NAP1L1: variants seen among roughly 807,000 people sequenced by gnomAD.
The protein encoded by NAP1L1 is nucleosome assembly protein 1-like 1.
Under a neutral mutation model 58.9 loss-of-function variants are expected in NAP1L1, and 9 were observed. That is an observed-to-expected ratio of 0.15 (90% CI 0.09 to 0.27). The LOEUF is 0.27. NAP1L1 is among the 10% of genes least tolerant of loss of function. NAP1L1 has a pLI of 1.00. For missense variants in NAP1L1, 302 were observed against 458.8 expected, an observed-to-expected ratio of 0.66 and a Z score of 3.12; for synonymous variants, 130 against 138.3, an observed-to-expected ratio of 0.94 and a Z score of 0.42.
rs1200902170 is a variant in NAP1L1, at chr12:76,036,883, G to C, written c.*11546C>G. On this transcript the variant is annotated 3_prime_UTR_variant, in exon 15 of 15. Coordinates refer to ENST00000618691, the MANE Select transcript of NAP1L1 (RefSeq NM_004537.7). ...AGGTCAGGAGCTCGACACAAGTCTGGCCAACATGGTGAAACCCCGTCTCTA... is the reference window on the plus strand; with the variant it reads ...AGGTCAGGAGCTCGACACAAGTCTGCCCAACATGGTGAAACCCCGTCTCTA... 1 of 150,120 alleles carries C rather than the reference G, an allele frequency of 6.7e-6. No homozygotes were observed. The highest frequency in any genetic ancestry group is 1.5e-5 in the Non-Finnish European group (1 of 67,708). The allele number at this position is 150,120 out of a possible 1,614,324, so 9.3% of individuals were successfully genotyped here.
At chr12:76,058,870 A>G (rs1043152544) in intron 6 of NAP1L1, among the ~76,000 whole-genome samples, 2 of 152,192 alleles carry the variant, frequency 1.3e-5, no homozygotes, top group Non-Finnish European at 1.5e-5. Context: ...AGAATCTAAT[A>G]TATCTGTGGT....
chr12:76,044,955 T>C lies in NAP1L1; in HGVS notation c.*3474A>G, dbSNP rs1013954929. 1.3e-5 allele frequency: 2 copies of C among 152,182 alleles called. No individual in the cohort carries two copies. Among genetic ancestry groups the C allele is most frequent in the Non-Finnish European group, 2.9e-5 (2 of 68,012 alleles). The allele number at this position is 152,182 out of a possible 1,614,324, so 9.4% of individuals were successfully genotyped here. A position where few individuals can be genotyped will look rare whatever the true frequency, so the allele number is the denominator to read the frequency against. ...TAATCCAGCATACAAAAATCACCAG[T>C]ATACATCTATTAAGTTAACTGCAGT... On this transcript the variant is annotated 3_prime_UTR_variant, in exon 15 of 15. Transcript: ENST00000618691.
chr12:76,060,293 A>G lies in NAP1L1; in HGVS notation c.207-14T>C, dbSNP rs1266653685. 19 of 1,612,952 alleles carry G rather than the reference A, an allele frequency of 1.2e-5. No individual in the cohort carries two copies. Among genetic ancestry groups the G allele is most frequent in the Non-Finnish European group, 1.6e-5 (19 of 1,179,452 alleles). On this transcript the variant is annotated splice_polypyrimidine_tract_variant and intron_variant, in intron 4 of 14. Transcript: ENST00000618691. ...ACCCTAGGCAGGCTGAAAGGTTAGAAATCAGTTATATAGCATCAGAGTAAA... is the reference window on the plus strand; with the variant it reads ...ACCCTAGGCAGGCTGAAAGGTTAGAGATCAGTTATATAGCATCAGAGTAAA...
At chr12:76,060,344 A>G (rs1949350508) in intron 4 of NAP1L1, 65 bp from the exon 5 acceptor site, 1 of 1,507,340 alleles carries the variant, frequency 6.6e-7, no homozygotes, top group Non-Finnish European at 9.1e-7. Flanking sequence ...CTTTTGTCAT[A>G]CTGAAACTGA....
chr12:76,077,875 T>C (rs1460557669), intron 1 of NAP1L1, among the ~76,000 whole-genome samples: 7 of 147,628 alleles, frequency 4.7e-5, no homozygotes, highest in Non-Finnish European at 3.0e-5. Flanking sequence ...TCCCAGCTAC[T>C]CAGGAGGCTG....
Position 76,081,536 on chromosome 12 carries a change from C to G in NAP1L1, c.-21+3031G>C, listed in dbSNP as rs532193824. On this transcript the variant is annotated intron_variant, in intron 1 of 14. Coordinates refer to ENST00000618691, the MANE Select transcript of NAP1L1 (RefSeq NM_004537.7). ...TCGCTTGAGGTGAGGCATTTAAGAC[C>G]AGCCAGGGCAACACAGCAAGAGCCT... 3.3e-5 allele frequency among the ~76,000 whole-genome samples: 5 copies of G among 152,232 alleles called. No homozygotes were observed. The East Asian group carries it at 9.6e-4, about 29-fold the overall frequency.
At chr12:76,066,726 C>G (rs1214496267) in intron 4 of NAP1L1, among the ~76,000 whole-genome samples, 8 of 152,028 alleles carry the variant, frequency 5.3e-5, no homozygotes, top group African/African-American at 1.9e-4. Context: ...TTCTGGAAAT[C>G]ATGCTAGAAG....
chr12:76,061,376 C>T (rs930919015), intron 4 of NAP1L1, among the ~76,000 whole-genome samples: 1 of 152,116 alleles, frequency 6.6e-6, no homozygotes, highest in Non-Finnish European at 1.5e-5. Flanking sequence ...TAAGAATGTA[C>T]GATATTTGGT....
At position 76,044,648 on chromosome 12, in the gene NAP1L1, A is replaced by C. The variant is rs969242001; in HGVS notation, c.*3781T>G. The stretch of plus-strand genomic sequence containing the variant: ...CTGAAGTCTTAAGTCAAACCATTAT[A>C]AGTCAGGGACTGTCTGTACTAAGAT... On this transcript the variant is annotated 3_prime_UTR_variant, in exon 15 of 15. Coordinates refer to ENST00000618691, the MANE Select transcript of NAP1L1 (RefSeq NM_004537.7). 6.6e-6 allele frequency: 1 copy of C among 152,306 alleles called. No homozygotes were observed. Among genetic ancestry groups the C allele is most frequent in the Middle Eastern group, 3.4e-3 (1 of 294 alleles). The allele number at this position is 152,306 out of a possible 1,614,324, so 9.4% of individuals were successfully genotyped here.
intron 1 of NAP1L1, among the ~76,000 whole-genome samples, chr12:76,084,332 A>G: frequency 6.6e-6 from 1 of 151,780 alleles, no homozygotes; most frequent in East Asian, 2.0e-4. Flanking sequence ...GCCAACCCCT[A>G]CGTCGCCTCA....
intron 1 of NAP1L1, among the ~76,000 whole-genome samples, chr12:76,083,463 C>CTT (rs34622188): frequency 3.9e-4 from 34 of 86,672 alleles, no homozygotes; most frequent in Non-Finnish European, 4.9e-4. Flanking sequence ...AGCTGATGAG[C>CTT]TTTTTTTTCC....
At chr12:76,056,296 C>T (rs1949082673) in intron 6 of NAP1L1, 135 bp from the exon 7 acceptor site, 5 of 864,010 alleles carry the variant, frequency 5.8e-6, no homozygotes, top group Admixed American at 6.0e-5. Context: ...TAAACACCGC[C>T]GTTGCCCATA....
intron 1 of NAP1L1, among the ~76,000 whole-genome samples, chr12:76,083,386 G>T (rs577610585): frequency 1.6e-4 from 24 of 150,350 alleles, no homozygotes; most frequent in Non-Finnish European, 3.1e-4. Flanking sequence ...TGCAGGGGTG[G>T]TCCGATCTTT....
intron 12 of NAP1L1, among the ~76,000 whole-genome samples, chr12:76,050,293 A>C (rs1948758953): frequency 6.6e-6 from 1 of 152,144 alleles, no homozygotes; most frequent in Admixed American, 6.5e-5. Flanking sequence ...AAACATAAAA[A>C]AGTTTCATAA....
chr12:76,052,993 C>T (rs749588314), intron 11 of NAP1L1, 98 bp downstream of exon 11: 23 of 1,185,156 alleles, frequency 1.9e-5, no homozygotes, highest in Non-Finnish European at 2.2e-5. Flanking sequence ...GGCCTCAGAA[C>T]TCAATGTAAC....
rs1004194764 is a variant in NAP1L1 at position 76,044,573 on chromosome 12, A to C, written c.*3856T>G. The C allele has an allele frequency of 2.6e-5, 4 of 152,214 alleles. No homozygotes were observed. Among genetic ancestry groups the C allele is most frequent in the Non-Finnish European group, 5.9e-5 (4 of 68,042 alleles). 9.4% of individuals were successfully genotyped at this position (152,214 alleles called of 1,614,324 possible). A position where few individuals can be genotyped will look rare whatever the true frequency, so the allele number is the denominator to read the frequency against. On this transcript the variant is annotated 3_prime_UTR_variant, in exon 15 of 15. Coordinates refer to ENST00000618691, the MANE Select transcript of NAP1L1 (RefSeq NM_004537.7). ...GCCTCAATAAGCCCACTGTAAGTCA[A>C]AAATATCATAAGTAGAAGATGTGTT...
At position 76,067,443 on chromosome 12, in the gene NAP1L1, T is replaced by C. The variant is rs1175261602; in HGVS notation, c.134A>G (p.Asn45Ser). ...TTGAAGGGCTGCAAGAATCTGAGGA[T>C]TTTGCATCATCTGAACAGTTAGCTG... Reference protein sequence around the residue: ...ARQLTVQMMQNPQILAALQER... With the variant: ...ARQLTVQMMQSPQILAALQER... Residue 45 changes from asparagine (N) to serine (S), a missense_variant, in exon 4 of 15, where the codon AAT (asparagine) becomes AGT (serine). Coordinates refer to ENST00000618691, the MANE Select transcript of NAP1L1 (RefSeq NM_004537.7). 4 of 1,608,166 alleles carry C rather than the reference T, an allele frequency of 2.5e-6. No homozygotes were observed. The highest frequency in any genetic ancestry group is 1.7e-5 in the Admixed American group (1 of 59,902).
At position 76,053,922 on chromosome 12, in the gene NAP1L1, A is replaced by C. The variant is rs1472276764; in HGVS notation, c.631-13T>G. On this transcript the variant is annotated splice_polypyrimidine_tract_variant and intron_variant, in intron 8 of 14. Coordinates refer to ENST00000618691, the MANE Select transcript of NAP1L1 (RefSeq NM_004537.7). ...CTAAGACAAAACTCTGGGGAGAGGA[A>C]GCATAAAAATCAGTTAAATACCTAC... 1.3e-6 allele frequency: 2 copies of C among 1,592,912 alleles called. No individual in the cohort carries two copies. The highest frequency in any genetic ancestry group is 1.7e-6 in the Non-Finnish European group (2 of 1,174,258).
At position 76,046,206 on chromosome 12, in the gene NAP1L1, A is replaced by T. The variant is rs7978440; in HGVS notation, c.*2223T>A. ...AAATTAAATCCAAATTTTATTAAGG[A>T]TTTCAGGTTACATACTTCAAATTTC... is the stretch of plus-strand genomic sequence containing the variant. On this transcript the variant is annotated 3_prime_UTR_variant, in exon 15 of 15. Coordinates refer to ENST00000618691, the MANE Select transcript of NAP1L1 (RefSeq NM_004537.7). 0.013 allele frequency: 2,053 copies of T among 152,320 alleles called. 23 individuals are homozygous for T. Among genetic ancestry groups the T allele is most frequent in the Non-Finnish European group, 0.022 (1,506 of 67,902 alleles). The allele number at this position is 152,320 out of a possible 1,614,324, so 9.4% of individuals were successfully genotyped here. A position where few individuals can be genotyped will look rare whatever the true frequency, so the allele number is the denominator to read the frequency against.
Sources: allele counts gnomAD v4.1 joint callset (sites outside exome capture counted in the v4.1 genomes callset), GRCh38; gene constraint gnomAD v4.1.1; transcripts MANE v1.5; gene names NCBI Gene and HGNC (gene_info 2026-07-23, HGNC 2026-07-21).